LTB4R: variants seen among roughly 807,000 people sequenced by gnomAD.
The protein encoded by LTB4R is leukotriene B4 receptor, also known as leukotriene B4 receptor 1.
For synonymous variants in LTB4R, 250 were observed against 230.7 expected (o/e 1.08, Z -0.76); for missense variants, 470 against 485.6 (o/e 0.97, Z 0.30).
In LTB4R at chr14:24,311,659, A is replaced by G. The variant is rs143666989; in HGVS notation, c.-161A>G. 1.7e-3 allele frequency: 2,803 copies of G among 1,612,696 alleles called. 21 individuals carry two copies. The highest frequency in any genetic ancestry group is 1.2e-3 in the Non-Finnish European group (1,421 of 1,179,270). On this transcript the variant is annotated 5_prime_UTR_variant, in exon 1 of 2. Coordinates refer to ENST00000345363, the MANE Select transcript of LTB4R (RefSeq NM_001143919.3). ...ACCATGGAGCTCCGAACTACCCCTC[A>G]GCTGAAAGTGGTGGGGCAGGGCCGC... is the stretch of plus-strand genomic sequence containing the variant.
chr14:24,311,765 C>T lies in LTB4R; in HGVS notation c.-55C>T, dbSNP rs1271731437. 4 of 1,523,220 alleles carry T rather than the reference C, an allele frequency of 2.6e-6. No individual in the cohort carries two copies. Among genetic ancestry groups the T allele is most frequent in the Middle Eastern group, 1.8e-4 (1 of 5,652 alleles). The allele number at this position is 1,523,220 out of a possible 1,614,324, so 94.4% of individuals were successfully genotyped here. A position where few individuals can be genotyped will look rare whatever the true frequency, so the allele number is the denominator to read the frequency against. Reference sequence around the variant, plus strand: ...GACAGCAGACCCTACAACCTGCTGCCCTTCCCTGTCCCTTTCCACCCCCCA... The same window carrying T: ...GACAGCAGACCCTACAACCTGCTGCTCTTCCCTGTCCCTTTCCACCCCCCA... On this transcript the variant is annotated 5_prime_UTR_variant, in exon 1 of 2. Transcript: ENST00000345363.
Position 24,311,737 on chromosome 14 carries a change from T to C in LTB4R, c.-83T>C. 1 of 1,574,824 alleles carries C rather than the reference T, an allele frequency of 6.3e-7. No individual in the cohort carries two copies. On this transcript the variant is annotated 5_prime_UTR_variant, in exon 1 of 2. Coordinates refer to ENST00000345363, the MANE Select transcript of LTB4R (RefSeq NM_001143919.3). ...GAGAAGGACGGTCCGGAATGGGACC[T>C]TTGACAGCAGACCCTACAACCTGCT...
rs113313131 is a variant in LTB4R at position 24,314,711 on chromosome 14, C to T, written c.-15-926C>T. ...CACACCCCTCTTTCCTCTCTCACTG[C>T]TCCTTCCTGGTCTCTTCTCATCTGG... On this transcript the variant is annotated intron_variant, in intron 1 of 1. Transcript: ENST00000345363. The T allele has an allele frequency of 6.8e-3, 1,048 of 153,434 alleles. 9 individuals carry two copies. Among genetic ancestry groups the T allele is most frequent in the African/African-American group, 0.023 (975 of 41,586 alleles). 9.5% of individuals were successfully genotyped at this position (153,434 alleles called of 1,614,324 possible).
Position 24,311,710 on chromosome 14 carries a change from T to C in LTB4R, c.-110T>C. ...GGCAATGGAGACCCGGGGGGTGGGATGGAGAAGGACGGTCCGGAATGGGAC... is the reference window on the plus strand; with the variant it reads ...GGCAATGGAGACCCGGGGGGTGGGACGGAGAAGGACGGTCCGGAATGGGAC... On this transcript the variant is annotated 5_prime_UTR_variant, in exon 1 of 2. It removes an upstream start codon present in the reference 5' UTR. Coordinates refer to ENST00000345363, the MANE Select transcript of LTB4R (RefSeq NM_001143919.3). The C allele has an allele frequency of 6.2e-7, 1 of 1,604,594 alleles. No individual in the cohort carries two copies. Among genetic ancestry groups the C allele is most frequent in the Non-Finnish European group, 8.5e-7 (1 of 1,174,088 alleles).
In LTB4R at chr14:24,316,332, C is replaced by G. The variant is rs760921281; in HGVS notation, c.681C>G (p.Ile227Met). 1.9e-6 allele frequency: 3 copies of G among 1,598,874 alleles called. No homozygotes were observed. The highest frequency in any genetic ancestry group is 2.2e-5 in the East Asian group (1 of 44,720). ...CCGGCCGCCTGGTGGTGCTCATCAT[C>G]CTGACCTTCGCCGCCTTCTGGCTGC... The part of the protein sequence containing the change: ...RRTGRLVVLI[I>M]LTFAAFWLPY... The change falls in exon 2 of 2, where the codon ATC becomes ATG. Residue 227 changes from isoleucine to methionine, a missense_variant. Coordinates refer to ENST00000345363, the MANE Select transcript of LTB4R (RefSeq NM_001143919.3).
chr14:24,314,601 T>C (rs549346759), intron 1 of LTB4R: 206 of 152,420 alleles, frequency 1.4e-3, no homozygotes, highest in Non-Finnish European at 2.5e-3. Flanking sequence ...CATACCTCCT[T>C]CTCCTATATG....
intron 1 of LTB4R, chr14:24,313,897 G>A (rs754548917): frequency 2.0e-5 from 3 of 152,174 alleles, no homozygotes; most frequent in Non-Finnish European, 4.4e-5. Flanking sequence ...GGAATTTTTA[G>A]TTTTTAGCTT....
chr14:24,316,506 C>T lies in LTB4R; in HGVS notation c.855C>T (p.Tyr285=), dbSNP rs760479124. Residue 285 remains tyrosine, a synonymous_variant, in exon 2 of 2, where the codon TAC becomes TAT. Coordinates refer to ENST00000345363, the MANE Select transcript of LTB4R (RefSeq NM_001143919.3). ...GCAGCAGCGTGAACCCCGTGCTGTACGCGTGCGCCGGCGGCGGCCTGCTGC... is the reference window on the plus strand; with the variant it reads ...GCAGCAGCGTGAACCCCGTGCTGTATGCGTGCGCCGGCGGCGGCCTGCTGC... ...FLSSSVNPVL[Y]ACAGGGLLRS... is the part of the protein sequence containing the mutation. 2.7e-6 allele frequency: 4 copies of T among 1,498,858 alleles called. No individual in the cohort carries two copies. The highest frequency in any genetic ancestry group is 2.7e-6 in the Non-Finnish European group (3 of 1,131,070). The allele number at this position is 1,498,858 out of a possible 1,614,324, so 92.8% of individuals were successfully genotyped here. A position where few individuals can be genotyped will look rare whatever the true frequency, so the allele number is the denominator to read the frequency against.
chr14:24,316,280 C>A lies in LTB4R; in HGVS notation c.629C>A (p.Ala210Asp). Reference protein sequence around the residue: ...SYSDIGRRLQARRFRRSRRTG... With the variant: ...SYSDIGRRLQDRRFRRSRRTG... ...TCGGACATAGGGCGTCGGCTACAGG[C>A]CCGGCGCTTCCGCCGCAGCCGCCGC... The change falls in exon 2 of 2, where the codon GCC becomes GAC. Residue 210 changes from alanine to aspartate, a missense_variant. Transcript: ENST00000345363. The A allele has an allele frequency of 6.2e-7, 1 of 1,607,372 alleles. No individual in the cohort carries two copies. Among genetic ancestry groups the A allele is most frequent in the Non-Finnish European group, 8.5e-7 (1 of 1,177,630 alleles).
intron 1 of LTB4R, chr14:24,314,540 G>C (rs1018178572): frequency 6.6e-6 from 1 of 152,304 alleles, no homozygotes; most frequent in African/African-American, 2.4e-5. Context: ...AAAACAAAAA[G>C]ATATCAGCAT....
chr14:24,316,447 G>A lies in LTB4R; in HGVS notation c.796G>A (p.Ala266Thr), dbSNP rs1594642569. 2 of 1,570,506 alleles carry A rather than the reference G, an allele frequency of 1.3e-6. No homozygotes were observed. The highest frequency in any genetic ancestry group is 1.3e-5 in the African/African-American group (1 of 74,306). ...LGLVGKRLSL[A>T]RNVLIALAFL... ...GCTCGTGGGGAAGCGGCTGAGCCTG[G>A]CCCGCAACGTGCTCATCGCACTCGC... The change falls in exon 2 of 2, where the codon GCC (alanine) becomes ACC (threonine). Residue 266 changes from alanine to threonine, a missense_variant. By Grantham distance (58) the Ala-to-Thr change is moderately conservative (BLOSUM62 0). Transcript: ENST00000345363.
At chr14:24,313,879 A>G (rs929364745) in intron 1 of LTB4R, 5 of 152,076 alleles carry the variant, frequency 3.3e-5, no homozygotes, top group African/African-American at 7.2e-5. Flanking sequence ...AACCACCACA[A>G]CCTGCCAGGA....
At position 24,315,625 on chromosome 14, in the gene LTB4R, C is replaced by A; in HGVS notation, c.-15-12C>A. 6.3e-7 allele frequency: 1 copy of A among 1,580,508 alleles called. No individual in the cohort carries two copies. The highest frequency in any genetic ancestry group is 8.7e-7 in the Non-Finnish European group (1 of 1,153,714). On this transcript the variant is annotated splice_polypyrimidine_tract_variant and intron_variant, in intron 1 of 1. Transcript: ENST00000345363. ...CTCTACTCTCATGCGTGTGTCCGCC[C>A]TCACTCTCCAGGTCCTCCCGACGGC... is the stretch of plus-strand genomic sequence containing the variant.
chr14:24,315,833 CCCTGGCCGA>C lies in LTB4R; in HGVS notation c.191_199del (p.Asp64_Ala66del), dbSNP rs1275455524. On this transcript the variant is annotated inframe_deletion, in exon 2 of 2. Coordinates refer to ENST00000345363, the MANE Select transcript of LTB4R (RefSeq NM_001143919.3). The stretch of plus-strand genomic sequence containing the variant: ...ACTGCCCTGATGGTGCTGAACCTGG[CCCTGGCCGA>C]CCTGGCCGTATTGCTCACTGCTCCC... The C allele has an allele frequency of 6.2e-7, 1 of 1,614,144 alleles. No individual in the cohort carries two copies. The highest frequency in any genetic ancestry group is 8.5e-7 in the Non-Finnish European group (1 of 1,180,048).
chr14:24,314,006 A>G (rs1462550282), intron 1 of LTB4R: 1 of 152,208 alleles, frequency 6.6e-6, no homozygotes, highest in Non-Finnish European at 1.5e-5. Context: ...CAGGGTGGGC[A>G]TGAGGCATCA....
Position 24,316,696 on chromosome 14 carries a change from A to G in LTB4R, c.1045A>G (p.Asn349Asp), listed in dbSNP as rs758960291. 1.3e-6 allele frequency: 2 copies of G among 1,533,726 alleles called. No individual in the cohort carries two copies. Among genetic ancestry groups the G allele is most frequent in the Non-Finnish European group, 8.8e-7 (1 of 1,140,654 alleles). ...SLTASSPLKL[N>D]ELN ...CACTGCCTCCAGCCCTCTCAAGTTA[A>G]ACGAACTGAACTAGGCCTGGTGGAA... Residue 349 changes from asparagine to aspartate, a missense_variant, in exon 2 of 2, where the codon AAC becomes GAC. Physicochemically the swap from Asn to Asp is conservative, Grantham distance 23. Transcript: ENST00000345363.
intron 1 of LTB4R, among the ~76,000 whole-genome samples, chr14:24,315,411 C>G (rs369375157): frequency 6.6e-6 from 1 of 152,106 alleles, no homozygotes; most frequent in Non-Finnish European, 1.5e-5. Context: ...GCAATTGGGT[C>G]TGTGGACAGG....
Position 24,317,424 on chromosome 14 carries a change from A to C in LTB4R, c.*714A>C, listed in dbSNP as rs1399646815. The C allele has an allele frequency of 1.2e-5, 2 of 167,106 alleles. No individual in the cohort carries two copies. Among genetic ancestry groups the C allele is most frequent in the Admixed American group, 1.3e-4 (2 of 15,288 alleles). 10.4% of individuals were successfully genotyped at this position (167,106 alleles called of 1,614,324 possible). A position where few individuals can be genotyped will look rare whatever the true frequency, so the allele number is the denominator to read the frequency against. ...TAGATCTTATCCCTTAGAATTTTGC[A>C]TATCAGCATCTGCTAACCTCCACAA... is the stretch of plus-strand genomic sequence containing the variant. On this transcript the variant is annotated 3_prime_UTR_variant, in exon 2 of 2. Transcript: ENST00000345363.
intron 1 of LTB4R, 93 bp downstream of exon 1, chr14:24,311,897 C>T (rs756527599): frequency 1.5e-6 from 1 of 683,522 alleles, no homozygotes; most frequent in Non-Finnish European, 2.5e-6. Flanking sequence ...GGCCCAGGCT[C>T]CTCCAAACTG....
Sources: gnomAD v4.1 joint callset for allele counts (sites outside exome capture counted in the v4.1 genomes callset) on GRCh38, gnomAD v4.1.1 for gene constraint, MANE v1.5 for transcripts, NCBI Gene and HGNC (gene_info 2026-07-23, HGNC 2026-07-21) for gene names.